LINGO2: variants seen among roughly 807,000 people sequenced by gnomAD.
LINGO2 encodes the protein leucine rich repeat and Ig domain containing 2, also known as leucine-rich repeat and immunoglobulin-like domain-containing nogo receptor-interacting protein 2.
A neutral mutation model predicts 30.6 loss-of-function variants in LINGO2; 14 were observed. That is an observed-to-expected ratio of 0.46 (90% confidence interval 0.30 to 0.72). The LOEUF is 0.72. LINGO2 is among the 30% of genes least tolerant of loss of function. The pLI is 0.07. For missense variants in LINGO2, 729 were observed against 751.7 expected (o/e 0.97, Z 0.35); for synonymous variants, 317 against 288.5 (o/e 1.10, Z -1.00).
chr9:28,861,061 T>C, the LINGO2 span, among the ~76,000 whole-genome samples: 38 of 82,710 alleles, frequency 4.6e-4, no homozygotes, highest in South Asian at 0.012. Flanking sequence ...GTATAATATG[T>C]ATTATTAATA....
intron 3 of LINGO2, among the ~76,000 whole-genome samples, chr9:28,302,911 G>T (rs1160695619): frequency 6.6e-6 from 1 of 152,148 alleles, no homozygotes; most frequent in Non-Finnish European, 1.5e-5. Flanking sequence ...GAAAAGATAA[G>T]TAGCTTGCTT....
intron 3 of LINGO2, among the ~76,000 whole-genome samples, chr9:28,359,004 A>T (rs746991557): frequency 9.9e-5 from 15 of 152,148 alleles, no homozygotes; most frequent in Non-Finnish European, 2.2e-4. Flanking sequence ...TTGAGACACC[A>T]GAGAGATTGA....
chr9:28,769,508 ATATATATATATTTTTTTTTTT>A, the LINGO2 span, among the ~76,000 whole-genome samples: 35 of 2,832 alleles, frequency 0.012, 4 homozygotes, highest in Admixed American at 0.041. Flanking sequence ...ATATATATAT[ATATATATATATTTTTTTTTTT>A]TTTTTTTTTT....
intron 1 of LINGO2, among the ~76,000 whole-genome samples, chr9:28,547,571 CAT>C (rs1822015926): frequency 6.6e-6 from 1 of 152,068 alleles, no homozygotes. Context: ...TCGAAAGGAA[CAT>C]ATGTTATTTT....
the LINGO2 span, among the ~76,000 whole-genome samples, chr9:29,181,296 T>C: frequency 1.3e-5 from 2 of 152,222 alleles, no homozygotes; most frequent in Non-Finnish European, 2.9e-5. Context: ...CAATGGGTTC[T>C]TTGTAGAAAA....
At chr9:28,454,051 G>A (rs918323677) in intron 2 of LINGO2, among the ~76,000 whole-genome samples, 3 of 151,932 alleles carry the variant, frequency 2.0e-5, no homozygotes, top group Non-Finnish European at 4.4e-5. Flanking sequence ...AATGAGACAC[G>A]CTAAAATCAG....
intron 1 of LINGO2, among the ~76,000 whole-genome samples, chr9:28,550,255 T>C (rs1822203581): frequency 1.3e-5 from 2 of 151,832 alleles, no homozygotes; most frequent in African/African-American, 2.4e-5. Context: ...ACATGGGATC[T>C]TTTCATTCTC....
the LINGO2 span, among the ~76,000 whole-genome samples, chr9:28,684,827 CT>C: frequency 6.5e-3 from 989 of 152,004 alleles, 26 homozygotes; most frequent in Admixed American, 0.035. Context: ...ACATTTTTTT[CT>C]TTTTTAACCC....
At chr9:28,951,771 T>G in the LINGO2 span, among the ~76,000 whole-genome samples, 4 of 152,220 alleles carry the variant, frequency 2.6e-5, no homozygotes, top group African/African-American at 9.6e-5. Flanking sequence ...CTTCCTGAGA[T>G]TACTCTCTCT....
the LINGO2 span, among the ~76,000 whole-genome samples, chr9:29,155,505 G>A: frequency 2.7e-5 from 4 of 150,166 alleles, no homozygotes; most frequent in African/African-American, 9.8e-5. Flanking sequence ...AAATAAATAT[G>A]TGACCTAGAT....
intron 2 of LINGO2, among the ~76,000 whole-genome samples, chr9:28,416,115 C>T (rs1822956588): frequency 6.6e-6 from 1 of 152,030 alleles, no homozygotes; most frequent in Admixed American, 6.6e-5. Flanking sequence ...GGCAAAATTG[C>T]TCATTATACC....
At chr9:28,577,296 T>C (rs58662928) in intron 1 of LINGO2, among the ~76,000 whole-genome samples, 40,613 of 151,964 alleles carry the variant, frequency 0.27, 5,741 homozygotes, top group Admixed American at 0.41. Flanking sequence ...TCTTTTGAGT[T>C]GTCTTTTCAG....
At chr9:29,147,680 T>C in the LINGO2 span, among the ~76,000 whole-genome samples, 12 of 152,188 alleles carry the variant, frequency 7.9e-5, no homozygotes, top group African/African-American at 2.9e-4. Flanking sequence ...GAAACTAGCT[T>C]GATAAATTTG....
the LINGO2 span, among the ~76,000 whole-genome samples, chr9:29,088,638 A>G: frequency 0.23 from 35,300 of 152,078 alleles, 4,603 homozygotes; most frequent in African/African-American, 0.35. Context: ...TAATACCTAC[A>G]CAGACTAATT....
the LINGO2 span, among the ~76,000 whole-genome samples, chr9:29,169,658 G>A: frequency 6.6e-6 from 1 of 152,254 alleles, no homozygotes; most frequent in South Asian, 2.1e-4. Context: ...GTGGAGAAAA[G>A]AGAATATTTA....
chr9:28,943,917 T>C, the LINGO2 span, among the ~76,000 whole-genome samples: 1 of 152,210 alleles, frequency 6.6e-6, no homozygotes, highest in Non-Finnish European at 1.5e-5. Context: ...GGAACCATAG[T>C]GTGCTAAACA....
At chr9:29,167,357 T>C in the LINGO2 span, among the ~76,000 whole-genome samples, 1 of 152,168 alleles carries the variant, frequency 6.6e-6, no homozygotes, top group Non-Finnish European at 1.5e-5. Context: ...AAATTTGGTT[T>C]ATCTGAACCA....
intron 4 of LINGO2, among the ~76,000 whole-genome samples, chr9:28,043,650 C>A (rs901617110): frequency 6.6e-6 from 1 of 152,228 alleles, no homozygotes; most frequent in African/African-American, 2.4e-5. Flanking sequence ...CCCTCATGTA[C>A]CCATCACCCA....
intron 3 of LINGO2, among the ~76,000 whole-genome samples, chr9:28,309,784 A>C (rs981257003): frequency 6.6e-6 from 1 of 152,050 alleles, no homozygotes; most frequent in Non-Finnish European, 1.5e-5. Context: ...ACTCGTGTAA[A>C]ATACCTAAAG....
Sources: allele counts gnomAD v4.1 joint callset (sites outside exome capture counted in the v4.1 genomes callset), GRCh38; gene constraint gnomAD v4.1.1; transcripts MANE v1.5; gene names NCBI Gene and HGNC (gene_info 2026-07-23, HGNC 2026-07-21).